The following NR3C2 variants were observed in gnomAD, a reference collection of about 807,000 sequenced individuals.
NR3C2 encodes nuclear receptor subfamily 3 group C member 2, also known as mineralocorticoid receptor.
In NR3C2, 15 loss-of-function variants were observed where a neutral mutation model predicts 86.4. The observed-to-expected ratio is 0.17, with a 90% CI of 0.12 to 0.27. The LOEUF (loss-of-function observed/expected upper bound fraction) is 0.27, where lower values mean the gene tolerates loss of function less well. NR3C2 is among the 10% of genes least tolerant of loss of function. The pLI is 1.00. For synonymous variants in NR3C2, 458 were observed against 450.5 expected (o/e 1.02, Z -0.21); for missense variants, 960 against 1,195.6 (o/e 0.80, Z 2.91).
intron 4 of NR3C2, among the ~76,000 whole-genome samples, chr4:148,187,985 TC>T (rs1736014200): frequency 6.6e-6 from 1 of 152,104 alleles, no homozygotes; most frequent in Non-Finnish European, 1.5e-5. Context: ...CCTTTCCCTA[TC>T]TTATGTTTTT....
chr4:148,426,966 T>TC lies in NR3C2; in HGVS notation c.1757+8137_1757+8138insG, dbSNP rs200388211. ...CTTCATTTCTTTTTCTTTTTCTTTT[T>TC]TTTTTTTGAGAGAGAATCTCGCTCT... On this transcript the variant is annotated intron_variant, in intron 2 of 8. Transcript: ENST00000358102. 5.6e-3 allele frequency among the ~76,000 whole-genome samples: 857 copies of TC among 152,096 alleles called. 11 individuals are homozygous for TC. The highest frequency in any genetic ancestry group is 0.02 in the African/African-American group (812 of 41,460).
chr4:148,122,245 T>C (rs1732541154), intron 6 of NR3C2, among the ~76,000 whole-genome samples: 1 of 152,244 alleles, frequency 6.6e-6, no homozygotes. Context: ...TTACCCATTT[T>C]TTCCTTCTCG....
At chr4:148,245,517 C>A (rs1013613470) in intron 3 of NR3C2, among the ~76,000 whole-genome samples, 4 of 152,074 alleles carry the variant, frequency 2.6e-5, no homozygotes, top group African/African-American at 7.2e-5. Context: ...AGAAATTATA[C>A]AGAAAATAAA....
At chr4:148,127,134 A>G (rs1732789159) in intron 6 of NR3C2, among the ~76,000 whole-genome samples, 1 of 152,236 alleles carries the variant, frequency 6.6e-6, no homozygotes, top group Non-Finnish European at 1.5e-5. Context: ...CTCTAAATGA[A>G]GAGTACTGAG....
intron 2 of NR3C2, among the ~76,000 whole-genome samples, chr4:148,415,378 T>TA (rs1331368527): frequency 1.3e-5 from 2 of 152,228 alleles, no homozygotes; most frequent in Admixed American, 1.3e-4. Context: ...AATAGCTCTT[T>TA]AAAGTTGCTC....
intron 3 of NR3C2, among the ~76,000 whole-genome samples, chr4:148,220,117 C>CA (rs1410786156): frequency 4.6e-5 from 7 of 151,830 alleles, no homozygotes; most frequent in African/African-American, 1.7e-4. Context: ...GACCGGGTCT[C>CA]ACTGTGTCCC....
At chr4:148,432,871 G>A (rs1038765081) in intron 2 of NR3C2, among the ~76,000 whole-genome samples, 1 of 152,040 alleles carries the variant, frequency 6.6e-6, no homozygotes, top group Admixed American at 6.5e-5. Flanking sequence ...AAATAGGTTT[G>A]GATAGTATTC....
chr4:148,436,039 G>A lies in NR3C2; in HGVS notation c.822C>T (p.Ser274=), dbSNP rs186788495. 13 of 1,614,160 alleles carry A rather than the reference G, an allele frequency of 8.1e-6. No individual in the cohort carries two copies. Among genetic ancestry groups the A allele is most frequent in the Non-Finnish European group, 1.1e-5 (13 of 1,180,012 alleles). Residue 274 remains serine (S), a synonymous_variant, in exon 2 of 9, where the codon AGC becomes AGT. Coordinates refer to ENST00000358102, the MANE Select transcript of NR3C2 (RefSeq NM_000901.5). The part of the protein sequence containing the change: ...PLSSMKSSIS[S]PPSHCSVKSP... ...ATTTTACACTGCAGTGACTTGGAGG[G>A]CTGGAAATTGAGGATTTCATGCTAC...
At chr4:148,182,825 CTAT>C (rs1735705852) in intron 4 of NR3C2, among the ~76,000 whole-genome samples, 1 of 152,224 alleles carries the variant, frequency 6.6e-6, no homozygotes, top group Admixed American at 6.5e-5. Context: ...GCTTTTATTA[CTAT>C]TATTATTATA....
At chr4:148,295,245 A>T (rs974898762) in intron 2 of NR3C2, among the ~76,000 whole-genome samples, 1 of 152,140 alleles carries the variant, frequency 6.6e-6, no homozygotes, top group Non-Finnish European at 1.5e-5. Context: ...TCAATATTTA[A>T]GATATACTAA....
intron 2 of NR3C2, among the ~76,000 whole-genome samples, chr4:148,279,817 C>A (rs1177328991): frequency 6.6e-6 from 1 of 152,084 alleles, no homozygotes; most frequent in Non-Finnish European, 1.5e-5. Flanking sequence ...CCTCTGCCCC[C>A]CGGGTTCAAG....
At chr4:148,292,800 T>C (rs1280789341) in intron 2 of NR3C2, among the ~76,000 whole-genome samples, 1 of 152,134 alleles carries the variant, frequency 6.6e-6, no homozygotes, top group African/African-American at 2.4e-5. Flanking sequence ...AACTAGGCAA[T>C]AGAACCAGTC....
At chr4:148,185,445 G>C (rs1481816472) in intron 4 of NR3C2, among the ~76,000 whole-genome samples, 1 of 152,210 alleles carries the variant, frequency 6.6e-6, no homozygotes, top group Non-Finnish European at 1.5e-5. Flanking sequence ...GTCCTGATCA[G>C]CCAGCCAGTT....
chr4:148,201,287 G>A (rs1229438262), intron 3 of NR3C2, among the ~76,000 whole-genome samples: 1 of 152,174 alleles, frequency 6.6e-6, no homozygotes, highest in Non-Finnish European at 1.5e-5. Flanking sequence ...GCACAGGGAG[G>A]GGAGATGGGC....
rs112049151 is a variant in NR3C2 at position 148,263,032 on chromosome 4, C to T, written c.1758-2915G>A. On this transcript the variant is annotated intron_variant, in intron 2 of 8. Transcript: ENST00000358102. ...GGTTTCTCTTTGCTCTGTTCCCTGCCACCATCTCCACTCCCTGACAGCCCC... is the reference window on the plus strand; with the variant it reads ...GGTTTCTCTTTGCTCTGTTCCCTGCTACCATCTCCACTCCCTGACAGCCCC... Among the ~76,000 whole-genome samples, 530 of 152,266 alleles carry T rather than the reference C, an allele frequency of 3.5e-3. 4 individuals carry two copies. Among genetic ancestry groups the T allele is most frequent in the African/African-American group, 0.012 (497 of 41,560 alleles).
intron 6 of NR3C2, among the ~76,000 whole-genome samples, chr4:148,135,231 T>G (rs1168193514): frequency 6.6e-6 from 1 of 152,172 alleles, no homozygotes; most frequent in African/African-American, 2.4e-5. Flanking sequence ...GTGAGGCCTG[T>G]AGGAGGCTCC....
chr4:148,205,515 C>T (rs893181750), intron 3 of NR3C2, among the ~76,000 whole-genome samples: 2 of 152,150 alleles, frequency 1.3e-5, no homozygotes, highest in African/African-American at 2.4e-5. Context: ...TAAATATGTT[C>T]TGTTTGTTAA....
intron 2 of NR3C2, among the ~76,000 whole-genome samples, chr4:148,301,504 G>A (rs1742335001): frequency 6.6e-6 from 1 of 152,190 alleles, no homozygotes; most frequent in Non-Finnish European, 1.5e-5. Context: ...AATTCCATGT[G>A]TGAACATACT....
At chr4:148,107,474 G>A (rs1731854038) in intron 8 of NR3C2, among the ~76,000 whole-genome samples, 1 of 152,200 alleles carries the variant, frequency 6.6e-6, no homozygotes. Flanking sequence ...AATACCATTT[G>A]ACTCAGCAAT....
Sources: allele counts gnomAD v4.1 joint callset (sites outside exome capture counted in the v4.1 genomes callset), GRCh38; gene constraint gnomAD v4.1.1; transcripts MANE v1.5; gene names NCBI Gene and HGNC (gene_info 2026-07-23, HGNC 2026-07-21).